SAMD4B: variants seen among roughly 807,000 people sequenced by gnomAD.
SAMD4B encodes sterile alpha motif domain containing 4B.
Under a neutral mutation model 74.5 loss-of-function variants are expected in SAMD4B, and 5 were observed. The observed-to-expected ratio is 0.07, with a 90% CI of 0.04 to 0.14. The LOEUF is 0.14. Among genes scored for constraint, SAMD4B ranks in the 10% least tolerant of loss-of-function variants. The probability of loss-of-function intolerance (pLI) is 1.00; values close to 1 mark genes in which losing one functional copy is unlikely to be tolerated. For missense variants in SAMD4B, 608 were observed against 921.8 expected (o/e 0.66, Z 4.41); for synonymous variants, 373 against 374.9 (o/e 1.00, Z 0.06).
At position 39,378,565 on chromosome 19, in the gene SAMD4B, C is replaced by T; in HGVS notation, c.1506C>T (p.Leu502=). ...DEENITSYLQ[L]IEKCLTHEAF... ...AGAACATCACCAGTTACCTCCAGCT[C>T]ATCGAAAAGTGCCTGACTCATGAGG... Residue 502 remains leucine (L), a synonymous_variant, in exon 9 of 14, where the codon CTC becomes CTT. Transcript: ENST00000610417. This position sits in a 1 kb window ranked among gnomAD's most constrained non-coding sequence, Gnocchi z 4.4. The T allele has an allele frequency of 6.2e-7, 1 of 1,614,006 alleles. No individual in the cohort carries two copies. Among genetic ancestry groups the T allele is most frequent in the Non-Finnish European group, 8.5e-7 (1 of 1,179,952 alleles).
At chr19:39,385,808 G>A, downstream of SAMD4B, 7 of 855,320 alleles carry the variant, frequency 8.2e-6, no homozygotes, top group East Asian at 8.0e-5. Context: ...GTTGCGGGAG[G>A]TATGTGCTGG....
At chr19:39,367,757 C>T (rs766213219) in intron 3 of SAMD4B, among the ~76,000 whole-genome samples, 8 of 151,318 alleles carry the variant, frequency 5.3e-5, no homozygotes, top group Non-Finnish European at 1.0e-4. Context: ...GATCCACCTG[C>T]CTCAGCCTCC....
intron 2 of SAMD4B, among the ~76,000 whole-genome samples, chr19:39,355,875 G>A (rs2076316994): frequency 6.6e-6 from 1 of 152,116 alleles, no homozygotes; most frequent in South Asian, 2.1e-4. Flanking sequence ...TCTGGAAGTC[G>A]GGGACTTCCC....
At chr19:39,362,510 A>G (rs2076715284) in intron 3 of SAMD4B, among the ~76,000 whole-genome samples, 1 of 152,150 alleles carries the variant, frequency 6.6e-6, no homozygotes, top group African/African-American at 2.4e-5. Context: ...ACACCTAGAA[A>G]CAGAAAAGCA....
At chr19:39,379,709 T>C (rs1042406837) in intron 9 of SAMD4B, among the ~76,000 whole-genome samples, 2 of 152,192 alleles carry the variant, frequency 1.3e-5, no homozygotes, top group African/African-American at 4.8e-5. Flanking sequence ...TATCTGGGAT[T>C]ACAGACACAC....
At chr19:39,373,186 C>T (rs2077406891) in intron 4 of SAMD4B, among the ~76,000 whole-genome samples, 1 of 152,166 alleles carries the variant, frequency 6.6e-6, no homozygotes, top group South Asian at 2.1e-4. Flanking sequence ...GGAACTGGGG[C>T]AAAGGGCTTC....
chr19:39,348,089 A>C (rs987374357), intron 1 of SAMD4B, among the ~76,000 whole-genome samples: 5 of 152,182 alleles, frequency 3.3e-5, no homozygotes, highest in African/African-American at 4.8e-5. Flanking sequence ...ATGAGAAGGC[A>C]CCAGTTGTGG....
At chr19:39,351,228 C>T (rs2076024006) in intron 1 of SAMD4B, 1 of 152,356 alleles carries the variant, frequency 6.6e-6, no homozygotes, top group Non-Finnish European at 1.5e-5. Context: ...AAGCGATCCA[C>T]CCGCCCATGC....
rs1568362342 is a variant in SAMD4B, at chr19:39,375,747, G to A, written c.765G>A (p.Glu255=). Residue 255 remains glutamate, a synonymous_variant, in exon 5 of 14, where the codon GAG becomes GAA. Coordinates refer to ENST00000610417, the MANE Select transcript of SAMD4B (RefSeq NM_001384574.2). The surrounding 1 kb of genome is among the most constrained non-coding windows in gnomAD (Gnocchi z 4.1). The part of the protein sequence containing the change: ...QVPGEWPSPE[E]LGARAAFTTP... ...CTGGTGAGTGGCCGAGTCCAGAGGAGCTTGGGGCCCGGGCTGCTTTTACCA... is the reference window on the plus strand; with the variant it reads ...CTGGTGAGTGGCCGAGTCCAGAGGAACTTGGGGCCCGGGCTGCTTTTACCA... 1.2e-6 allele frequency: 2 copies of A among 1,614,178 alleles called. No homozygotes were observed. Among genetic ancestry groups the A allele is most frequent in the Non-Finnish European group, 1.7e-6 (2 of 1,180,034 alleles).
chr19:39,386,268 C>T, downstream of SAMD4B: 1 of 1,614,190 alleles, frequency 6.2e-7, no homozygotes, highest in Non-Finnish European at 8.5e-7. The surrounding 1 kb of genome is among the most constrained non-coding windows in gnomAD (Gnocchi z 6.1). Context: ...CTCATCCTCG[C>T]TGCTCTCGTC....
At position 39,376,481 on chromosome 19, in the gene SAMD4B, G is replaced by A; in HGVS notation, c.952G>A (p.Ala318Thr). The change falls in exon 6 of 14, where the codon GCC (alanine) becomes ACC (threonine). Residue 318 changes from alanine to threonine, a missense_variant. Ala to Thr is a moderately conservative substitution (Grantham distance 58). Transcript: ENST00000610417. Reference protein sequence around the residue: ...LKSLRLHKYAALFSQMSYEEM... With the variant: ...LKSLRLHKYATLFSQMSYEEM... ...GAGCCTCCGTTTGCACAAGTATGCA[G>A]CCCTCTTCTCACAGATGAGCTACGA... 6.2e-7 allele frequency: 1 copy of A among 1,613,446 alleles called. No homozygotes were observed. The highest frequency in any genetic ancestry group is 8.5e-7 in the Non-Finnish European group (1 of 1,180,024).
intron 1 of SAMD4B, among the ~76,000 whole-genome samples, chr19:39,347,300 G>C (rs2075760324): frequency 6.6e-6 from 1 of 152,212 alleles, no homozygotes; most frequent in South Asian, 2.1e-4. Flanking sequence ...TTTCTTGAGA[G>C]TCCCAGTTTG....
Position 39,383,688 on chromosome 19 carries a change from C to T in SAMD4B, c.*161C>T. The T allele has an allele frequency of 6.5e-7, 1 of 1,548,632 alleles. No homozygotes were observed. The highest frequency in any genetic ancestry group is 8.7e-7 in the Non-Finnish European group (1 of 1,152,002). On this transcript the variant is annotated 3_prime_UTR_variant, in exon 14 of 14. Transcript: ENST00000610417. The surrounding 1 kb of genome is among the most constrained non-coding windows in gnomAD (Gnocchi z 4.1). The stretch of plus-strand genomic sequence containing the variant: ...TCTTAACTTTTGTTTAACATTGGCA[C>T]ATGCCTTGCTCACTCCCAGGCCCGT...
At chr19:39,387,833 T>C (rs1462941136), downstream of SAMD4B, among the ~76,000 whole-genome samples, 3 of 152,248 alleles carry the variant, frequency 2.0e-5, no homozygotes, top group Non-Finnish European at 4.4e-5. Flanking sequence ...AGGCTCTAAA[T>C]GTCTCCTGCA....
chr19:39,364,332 A>G (rs949834695), intron 3 of SAMD4B, among the ~76,000 whole-genome samples: 5 of 152,196 alleles, frequency 3.3e-5, no homozygotes, highest in African/African-American at 1.2e-4. Context: ...ATGTCAGGGT[A>G]GGGCTGGAGG....
intron 1 of SAMD4B, among the ~76,000 whole-genome samples, chr19:39,347,353 G>A (rs1265812109): frequency 6.6e-6 from 1 of 152,222 alleles, no homozygotes; most frequent in Non-Finnish European, 1.5e-5. Flanking sequence ...TATGCCAGAA[G>A]ATCCTTAGAA....
At position 39,378,066 on chromosome 19, in the gene SAMD4B, C is replaced by T. The variant is rs936890024; in HGVS notation, c.1444+242C>T. The stretch of plus-strand genomic sequence containing the variant: ...GTCTCCAGGCTGAGCAGAAATGGGG[C>T]AGTGGGTCAGAAGAAATTCCATGTA... On this transcript the variant is annotated intron_variant, in intron 8 of 13. Transcript: ENST00000610417. The surrounding 1 kb of genome is among the most constrained non-coding windows in gnomAD (Gnocchi z 4.4). Among the ~76,000 whole-genome samples the T allele has an allele frequency of 6.6e-6, 1 of 152,090 alleles. No homozygotes were observed. The highest frequency in any genetic ancestry group is 6.5e-5 in the Admixed American group (1 of 15,282).
At chr19:39,369,590 G>T (rs1051859848) in intron 3 of SAMD4B, 65 bp from the exon 4 acceptor site, 1 of 1,298,898 alleles carries the variant, frequency 7.7e-7, no homozygotes, top group African/African-American at 1.5e-5. Context: ...CATAGGCAGT[G>T]CTCTCAGGTG....
rs138168712 is a variant in SAMD4B at position 39,377,581 on chromosome 19, G to A, written c.1201G>A (p.Val401Met). 202 of 1,613,860 alleles carry A rather than the reference G, an allele frequency of 1.3e-4. No homozygotes were observed. The highest frequency in any genetic ancestry group is 2.3e-4 in the Admixed American group (14 of 60,008). Residue 401 changes from valine to methionine, a missense_variant, in exon 8 of 14, where the codon GTG becomes ATG. Physicochemically the swap from Val to Met is conservative, Grantham distance 21. Transcript: ENST00000610417. Reference protein sequence around the residue: ...IKAYSVLQATVAAATTTPTAK... With the variant: ...IKAYSVLQATMAAATTTPTAK... ...GGCCTACAGTGTCCTCCAGGCCACCGTGGCTGCCGCCACCACCACCCCTAC... is the reference window on the plus strand; with the variant it reads ...GGCCTACAGTGTCCTCCAGGCCACCATGGCTGCCGCCACCACCACCCCTAC...
Sources: gnomAD v4.1 joint callset for allele counts (sites outside exome capture counted in the v4.1 genomes callset) on GRCh38, gnomAD v4.1.1 for gene constraint, Gnocchi (gnomAD v3.1) non-coding constraint, MANE v1.5 for transcripts, NCBI Gene and HGNC (gene_info 2026-07-23, HGNC 2026-07-21) for gene names.